CST8: variants seen among roughly 807,000 people sequenced by gnomAD.
CST8 encodes cystatin-8.
In CST8, 20 loss-of-function variants were observed where a neutral mutation model predicts 11.8. The observed-to-expected ratio is 1.70, with a 90% CI of 1.20 to 2.47. The LOEUF (loss-of-function observed/expected upper bound fraction) is 2.47, where lower values mean the gene tolerates loss of function less well. Ranked by LOEUF, CST8 falls within the 30% of genes most tolerant of loss-of-function variation. CST8 has a pLI of 0.00. For missense variants in CST8, 196 were observed against 167.2 expected (o/e 1.17, Z -0.95); for synonymous variants, 77 against 63.1 (o/e 1.22, Z -1.05).
chr20:23,493,122 G>A, intron 3 of CST8, 51 bp downstream of exon 3: 1 of 1,162,170 alleles, frequency 8.6e-7, no homozygotes, highest in East Asian at 2.3e-5. Context: ...CTGAACCCAA[G>A]AGAGAAAGCT....
At chr20:23,505,247 C>T in the CST8 span, among the ~76,000 whole-genome samples, 124 of 147,224 alleles carry the variant, frequency 8.4e-4, 2 homozygotes, top group South Asian at 9.5e-3. Flanking sequence ...CAGGTTTAAG[C>T]GATTTTCCTG....
chr20:23,504,112 C>G, the CST8 span, among the ~76,000 whole-genome samples: 1 of 152,198 alleles, frequency 6.6e-6, no homozygotes, highest in Admixed American at 6.5e-5. Flanking sequence ...TTATCAAGCC[C>G]AGAGGGGCAT....
the CST8 span, among the ~76,000 whole-genome samples, chr20:23,505,440 A>G: frequency 6.6e-6 from 1 of 152,118 alleles, no homozygotes; most frequent in Non-Finnish European, 1.5e-5. Context: ...CACCGCGCCC[A>G]GCCACAAGAA....
downstream of CST8, among the ~76,000 whole-genome samples, chr20:23,498,637 C>T (rs566531097): frequency 4.6e-5 from 7 of 152,358 alleles, no homozygotes; most frequent in African/African-American, 1.7e-4. Flanking sequence ...CAGCCCCTGC[C>T]TGTGGTCTCT....
the CST8 span, among the ~76,000 whole-genome samples, chr20:23,504,991 C>T: frequency 1.3e-5 from 2 of 152,086 alleles, no homozygotes; most frequent in South Asian, 4.1e-4. Flanking sequence ...TTGAGAATTG[C>T]CCTGTGACTA....
downstream of CST8, among the ~76,000 whole-genome samples, chr20:23,498,109 G>A (rs1432862543): frequency 3.3e-5 from 5 of 152,080 alleles, no homozygotes; most frequent in East Asian, 7.8e-4. Context: ...AAGAGCAGGA[G>A]ACAAAATTCT....
intron 3 of CST8, among the ~76,000 whole-genome samples, chr20:23,494,185 G>C (rs1015107483): frequency 2.0e-5 from 3 of 152,070 alleles, no homozygotes; most frequent in African/African-American, 4.8e-5. Context: ...TTTTATGCTT[G>C]TTTTATCTTT....
At chr20:23,498,574 T>C (rs1988114345), downstream of CST8, among the ~76,000 whole-genome samples, 1 of 152,266 alleles carries the variant, frequency 6.6e-6, no homozygotes, top group African/African-American at 2.4e-5. Context: ...CAGAGACAAG[T>C]GGAACTTGCC....
Position 23,491,601 on chromosome 20 carries a change from C to A in CST8, c.-67C>A. The A allele has an allele frequency of 7.9e-7, 1 of 1,269,750 alleles. No homozygotes were observed. Among genetic ancestry groups the A allele is most frequent in the Non-Finnish European group, 1.1e-6 (1 of 876,778 alleles). The allele number at this position is 1,269,750 out of a possible 1,614,324, so 78.7% of individuals were successfully genotyped here. ...ACAGCAGCAGCTGCGGCCACCCCAT[C>A]CTGCCCACAGCTCCAGCCCTGAGAC... On this transcript the variant is annotated 5_prime_UTR_variant, in exon 2 of 4. Transcript: ENST00000246012.
At chr20:23,502,638 C>G in the CST8 span, among the ~76,000 whole-genome samples, 1 of 152,172 alleles carries the variant, frequency 6.6e-6, no homozygotes, top group Non-Finnish European at 1.5e-5. Flanking sequence ...CAAACCTTCA[C>G]GTGATTCTGC....
At chr20:23,503,775 T>G in the CST8 span, among the ~76,000 whole-genome samples, 1 of 152,176 alleles carries the variant, frequency 6.6e-6, no homozygotes, top group Non-Finnish European at 1.5e-5. Context: ...GTCTGAGGAC[T>G]GCGCCCCGCC....
At chr20:23,504,788 G>A in the CST8 span, among the ~76,000 whole-genome samples, 1 of 152,104 alleles carries the variant, frequency 6.6e-6, no homozygotes, top group African/African-American at 2.4e-5. Flanking sequence ...TGGCAAAATG[G>A]AGAGACAGAT....
downstream of CST8, among the ~76,000 whole-genome samples, chr20:23,499,151 C>T (rs1271068416): frequency 6.6e-6 from 1 of 152,172 alleles, no homozygotes; most frequent in Non-Finnish European, 1.5e-5. Context: ...TGATGCCCAC[C>T]TGTGCTGTGT....
At chr20:23,494,965 C>A (rs915141686) in intron 3 of CST8, among the ~76,000 whole-genome samples, 2 of 152,120 alleles carry the variant, frequency 1.3e-5, no homozygotes, top group African/African-American at 4.8e-5. Flanking sequence ...CTCTCTCCCC[C>A]GCCCTCCATT....
At chr20:23,501,962 C>T in the CST8 span, among the ~76,000 whole-genome samples, 2 of 152,174 alleles carry the variant, frequency 1.3e-5, no homozygotes, top group Middle Eastern at 3.2e-3. Context: ...TAACCGTATT[C>T]CTGGAGGCTT....
Position 23,495,980 on chromosome 20 carries a change from G to T in CST8, c.*66G>T, listed in dbSNP as rs892652951. 2.4e-6 allele frequency: 3 copies of T among 1,265,876 alleles called. No individual in the cohort carries two copies. The highest frequency in any genetic ancestry group is 2.0e-5 in the Admixed American group (1 of 49,574). 78.4% of individuals were successfully genotyped at this position (1,265,876 alleles called of 1,614,324 possible). On this transcript the variant is annotated 3_prime_UTR_variant, in exon 4 of 4. Coordinates refer to ENST00000246012, the MANE Select transcript of CST8 (RefSeq NM_005492.4). ...ATCCATGAAAATGAAGCAATGGCAG[G>T]TGGGAGGCTCTTCCCAATGTGCTTT...
chr20:23,501,533 T>C, the CST8 span, among the ~76,000 whole-genome samples: 13 of 152,104 alleles, frequency 8.5e-5, no homozygotes, highest in African/African-American at 2.9e-4. Flanking sequence ...GAGTGAAGGG[T>C]GTGAGTGATA....
At chr20:23,505,619 AC>A in the CST8 span, among the ~76,000 whole-genome samples, 1 of 152,178 alleles carries the variant, frequency 6.6e-6, no homozygotes. Flanking sequence ...GCATGGGGCC[AC>A]ACATGGTCTG....
At chr20:23,491,495 A>C in intron 1 of CST8, 30 bp from the exon 2 acceptor site, 1 of 615,260 alleles carries the variant, frequency 1.6e-6, no homozygotes, top group South Asian at 1.9e-5. Flanking sequence ...AACCCCAAAG[A>C]GTGACCCTAA....
Sources: allele counts gnomAD v4.1 joint callset (sites outside exome capture counted in the v4.1 genomes callset), GRCh38; gene constraint gnomAD v4.1.1; transcripts MANE v1.5; gene names NCBI Gene and HGNC (gene_info 2026-07-23, HGNC 2026-07-21).